The following ADAMTS19 variants were observed in gnomAD, a reference collection of about 807,000 sequenced individuals.
ADAMTS19 encodes the protein ADAM metallopeptidase with thrombospondin type 1 motif 19.
In ADAMTS19, 93 loss-of-function variants were observed where a neutral mutation model predicts 153.3. The ratio of observed to expected loss-of-function variants is 0.61; its 90% CI spans 0.51 to 0.72. The LOEUF (loss-of-function observed/expected upper bound fraction) is 0.72, where lower values mean the gene tolerates loss of function less well. Among genes scored for constraint, ADAMTS19 ranks in the 30% least tolerant of loss-of-function variants. ADAMTS19 has a pLI of 0.00. For missense variants in ADAMTS19, 1,482 were observed against 1,552.1 expected, an observed-to-expected ratio of 0.95 and a Z score of 0.76; for synonymous variants, 600 against 556.6, an observed-to-expected ratio of 1.08 and a Z score of -1.10.
intron 7 of ADAMTS19, among the ~76,000 whole-genome samples, chr5:129,582,354 CTTCT>C (rs1202093700): frequency 4.0e-5 from 6 of 151,042 alleles, no homozygotes; most frequent in Non-Finnish European, 5.9e-5. Context: ...ATGTAATGCC[CTTCT>C]TTATCTTTTT....
rs142937414 is a variant in ADAMTS19 at position 129,646,872 on chromosome 5, G to C, written c.1873-893G>C. On this transcript the variant is annotated intron_variant, in intron 11 of 22. Coordinates refer to ENST00000274487, the MANE Select transcript of ADAMTS19 (RefSeq NM_133638.6). Reference sequence around the variant, plus strand: ...TACTTATTATTCTCAATATGATTTTGTTACTCTTACCATGTTTGCTACGAC... The same window carrying C: ...TACTTATTATTCTCAATATGATTTTCTTACTCTTACCATGTTTGCTACGAC... 3.1e-3 allele frequency among the ~76,000 whole-genome samples: 473 copies of C among 152,068 alleles called. 2 individuals are homozygous for C. The highest frequency in any genetic ancestry group is 0.014 in the Middle Eastern group (4 of 294).
At chr5:129,619,946 G>A (rs1751701276) in intron 8 of ADAMTS19, among the ~76,000 whole-genome samples, 1 of 151,922 alleles carries the variant, frequency 6.6e-6, no homozygotes, top group Non-Finnish European at 1.5e-5. Flanking sequence ...GAGAGCAAGA[G>A]AAAAATAGAA....
chr5:129,719,360 C>T (rs1256978929), intron 21 of ADAMTS19, among the ~76,000 whole-genome samples: 1 of 152,140 alleles, frequency 6.6e-6, no homozygotes, highest in Non-Finnish European at 1.5e-5. Flanking sequence ...ATACCGTAAT[C>T]TCCCATATGG....
At chr5:129,638,551 ACT>A (rs1294312348) in intron 10 of ADAMTS19, among the ~76,000 whole-genome samples, 12 of 144,534 alleles carry the variant, frequency 8.3e-5, no homozygotes, top group South Asian at 2.2e-4. Flanking sequence ...CTATTTTAGT[ACT>A]CTCTGTCTCA....
intron 18 of ADAMTS19, among the ~76,000 whole-genome samples, chr5:129,692,181 G>A (rs947481569): frequency 1.3e-5 from 2 of 152,008 alleles, no homozygotes; most frequent in African/African-American, 4.8e-5. Flanking sequence ...ACCTAAGCTA[G>A]CATTATACAA....
At chr5:129,641,207 A>G (rs1022382295) in intron 10 of ADAMTS19, among the ~76,000 whole-genome samples, 6 of 152,150 alleles carry the variant, frequency 3.9e-5, no homozygotes, top group Non-Finnish European at 5.9e-5. Context: ...CCTCAGAGTT[A>G]TCTTTGCTTA....
Position 129,720,167 on chromosome 5 carries a change from T to C in ADAMTS19, c.3313-14765T>C, listed in dbSNP as rs1408350882. ...GTGTATGTATATATATATATATATA[T>C]ATATTTATTTTTTTTTTTTTTGGAG... is the stretch of plus-strand genomic sequence containing the variant. On this transcript the variant is annotated intron_variant, in intron 21 of 22. Transcript: ENST00000274487. Among the ~76,000 whole-genome samples, 5 of 140,946 alleles carry C rather than the reference T, an allele frequency of 3.5e-5. No homozygotes were observed. The East Asian group carries it at 1.0e-3, about 29-fold the overall frequency. The allele number at this position is 140,946 out of a possible 152,430, so 92.5% of individuals were successfully genotyped here.
At chr5:129,603,448 T>C (rs1750757169) in intron 8 of ADAMTS19, among the ~76,000 whole-genome samples, 1 of 152,200 alleles carries the variant, frequency 6.6e-6, no homozygotes. Flanking sequence ...AAAGATACCA[T>C]ATTTTTATAT....
intron 3 of ADAMTS19, among the ~76,000 whole-genome samples, chr5:129,524,447 T>C (rs1215780241): frequency 5.3e-5 from 8 of 151,946 alleles, no homozygotes; most frequent in Admixed American, 5.2e-4. Context: ...AAAGCCAAAA[T>C]TGACAAATGG....
At chr5:129,721,611 T>G (rs1056441243) in intron 21 of ADAMTS19, among the ~76,000 whole-genome samples, 1 of 152,168 alleles carries the variant, frequency 6.6e-6, no homozygotes, top group Non-Finnish European at 1.5e-5. Flanking sequence ...TATTTTACTT[T>G]AAGTTCCAGG....
intron 3 of ADAMTS19, among the ~76,000 whole-genome samples, chr5:129,525,970 G>C (rs1751991883): frequency 1.3e-5 from 2 of 151,960 alleles, no homozygotes; most frequent in Admixed American, 1.3e-4. Flanking sequence ...TATTGGAGCT[G>C]TTTGCTAGAA....
At chr5:129,677,748 G>A (rs1303348780) in intron 16 of ADAMTS19, among the ~76,000 whole-genome samples, 1 of 151,956 alleles carries the variant, frequency 6.6e-6, no homozygotes, top group Non-Finnish European at 1.5e-5. Context: ...TATCTTCCCT[G>A]TGTAAATTTA....
At chr5:129,479,883 T>C (rs1313279662) in intron 2 of ADAMTS19, among the ~76,000 whole-genome samples, 1 of 152,174 alleles carries the variant, frequency 6.6e-6, no homozygotes, top group African/African-American at 2.4e-5. Flanking sequence ...AGATGTCAAT[T>C]ATTTCTGAAT....
chr5:129,540,866 A>G (rs1020275734), intron 6 of ADAMTS19, among the ~76,000 whole-genome samples: 2 of 152,112 alleles, frequency 1.3e-5, no homozygotes, highest in Non-Finnish European at 2.9e-5. Context: ...ATTTCTATAA[A>G]TTCACATAAT....
chr5:129,542,384 C>A lies in ADAMTS19; in HGVS notation c.1329-9480C>A, dbSNP rs563792170. Among the ~76,000 whole-genome samples, 10 of 152,180 alleles carry A rather than the reference C, an allele frequency of 6.6e-5. No homozygotes were observed. The South Asian group carries it at 2.1e-3, about 32-fold the overall frequency. On this transcript the variant is annotated intron_variant, in intron 6 of 22. Transcript: ENST00000274487. ...TATGATGCAATAGAAGGTGATTTCCCAGTGGAAAGATGCTAGGGACTAGAG... is the reference window on the plus strand; with the variant it reads ...TATGATGCAATAGAAGGTGATTTCCAAGTGGAAAGATGCTAGGGACTAGAG...
At chr5:129,641,808 TA>T (rs768431194) in intron 10 of ADAMTS19, 50 bp from the exon 11 acceptor site, 32 of 1,255,446 alleles carry the variant, frequency 2.5e-5, no homozygotes, top group Admixed American at 1.2e-4. Flanking sequence ...TGGCTTCACT[TA>T]AAAAAATGTG....
At chr5:129,652,901 A>C (rs1049394961) in intron 13 of ADAMTS19, among the ~76,000 whole-genome samples, 3 of 152,190 alleles carry the variant, frequency 2.0e-5, no homozygotes, top group African/African-American at 7.2e-5. Context: ...CAGTCATTGA[A>C]TAAACATAAC....
chr5:129,722,417 A>C (rs1757042186), intron 21 of ADAMTS19, among the ~76,000 whole-genome samples: 1 of 152,068 alleles, frequency 6.6e-6, no homozygotes, highest in South Asian at 2.1e-4. Flanking sequence ...GTGTCTGTTC[A>C]TGTCCTTTGC....
intron 15 of ADAMTS19, 143 bp downstream of exon 15, chr5:129,658,880 C>A: frequency 2.1e-6 from 2 of 957,012 alleles, no homozygotes; most frequent in Non-Finnish European, 2.9e-6. Context: ...TGATGACATA[C>A]AATACATGTG....
Sources: gnomAD v4.1 joint callset for allele counts (sites outside exome capture counted in the v4.1 genomes callset) on GRCh38, gnomAD v4.1.1 for gene constraint, MANE v1.5 for transcripts, NCBI Gene and HGNC (gene_info 2026-07-23, HGNC 2026-07-21) for gene names.